The following ABCB9 variants were observed in gnomAD, a reference collection of about 807,000 sequenced individuals.
The protein encoded by ABCB9 is ABC-type oligopeptide transporter ABCB9.
A neutral mutation model predicts 62.0 loss-of-function variants in ABCB9; 36 were observed. That is an observed-to-expected ratio of 0.58 (90% CI 0.45 to 0.77). The LOEUF (loss-of-function observed/expected upper bound fraction) is 0.77, where lower values mean the gene tolerates loss of function less well. ABCB9 is among the 30% of genes least tolerant of loss of function. The pLI is 0.00. For synonymous variants in ABCB9, 435 were observed against 461.4 expected, an observed-to-expected ratio of 0.94 and a Z score of 0.73; for missense variants, 943 against 1,054.7, an observed-to-expected ratio of 0.89 and a Z score of 1.47.
intron 2 of ABCB9, among the ~76,000 whole-genome samples, chr12:122,954,014 G>T (rs554298848): frequency 5.9e-5 from 9 of 152,208 alleles, no homozygotes; most frequent in East Asian, 5.8e-4. Context: ...CCATATTAAA[G>T]AATCTTAGGC....
In ABCB9 at chr12:122,946,050, T is replaced by G. The variant is rs75474899; in HGVS notation, c.1226A>C (p.Tyr409Ser). ...YKLNRKEAAA[Y>S]MYYVWGSGLT... ...CCCGCTGCCCCAGACGTAGTACATG[T>G]AGGCAGCTGCCTCCTTCCTGTTCAG... Residue 409 changes from tyrosine to serine, a missense_variant, in exon 6 of 12, where the codon TAC becomes TCC. By Grantham distance (144) the Tyr-to-Ser change is moderately radical. Transcript: ENST00000280560. 7.0e-4 allele frequency: 1,124 copies of G among 1,613,858 alleles called. 16 individuals carry two copies. In the East Asian group the frequency reaches 0.019, roughly 27 times the overall value.
rs372288960 is a variant in ABCB9, at chr12:122,964,608, C to T, written c.-88+1679G>A. Among the ~76,000 whole-genome samples the T allele has an allele frequency of 1.3e-5, 2 of 152,244 alleles. No homozygotes were observed. The highest frequency in any genetic ancestry group is 4.8e-5 in the African/African-American group (2 of 41,464). On this transcript the variant is annotated intron_variant, in intron 1 of 11. Coordinates refer to ENST00000280560, the MANE Select transcript of ABCB9 (RefSeq NM_019625.4). This position sits in a 1 kb window ranked among gnomAD's most constrained non-coding sequence, Gnocchi z 4.7. ...TAAAGCTACTGGGCAGAAGCGTGACCACCAGCCAAGGCTGCTTAGAGGCCT... is the reference window on the plus strand; with the variant it reads ...TAAAGCTACTGGGCAGAAGCGTGACTACCAGCCAAGGCTGCTTAGAGGCCT...
At chr12:122,933,131 G>C (rs188521129) in intron 10 of ABCB9, among the ~76,000 whole-genome samples, 1 of 152,106 alleles carries the variant, frequency 6.6e-6, no homozygotes, top group African/African-American at 2.4e-5. Flanking sequence ...GGCCTCAAGC[G>C]ATCCTCTTGC....
intron 2 of ABCB9, among the ~76,000 whole-genome samples, chr12:122,956,904 C>T (rs1344957002): frequency 1.3e-5 from 2 of 151,850 alleles, no homozygotes; most frequent in Non-Finnish European, 2.9e-5. Context: ...GTGATCTGCC[C>T]ACCTCGGCCT....
downstream of ABCB9, chr12:122,924,909 G>T: frequency 7.8e-7 from 1 of 1,276,530 alleles, no homozygotes; most frequent in Non-Finnish European, 1.1e-6. Flanking sequence ...CACCAGGATG[G>T]TGACAATTTT....
intron 11 of ABCB9, among the ~76,000 whole-genome samples, chr12:122,923,197 G>A (rs1285159793): frequency 6.6e-6 from 1 of 152,126 alleles, no homozygotes; most frequent in Non-Finnish European, 1.5e-5. Context: ...CAACCTCCCA[G>A]GCTCAAGCAA....
At position 122,940,187 on chromosome 12, in the gene ABCB9, T is replaced by A. The variant is rs772326323; in HGVS notation, c.1667A>T (p.Tyr556Phe). The A allele has an allele frequency of 6.8e-6, 11 of 1,613,360 alleles. No individual in the cohort carries two copies. In the African/African-American group the frequency reaches 1.5e-4, roughly 22 times the overall value. The change falls in exon 9 of 12, where the codon TAC (tyrosine) becomes TTC (phenylalanine). Residue 556 changes from tyrosine to phenylalanine, a missense_variant. Transcript: ENST00000280560. The surrounding 1 kb of genome is among the most constrained non-coding windows in gnomAD (Gnocchi z 4.8). The part of the protein sequence containing the change: ...SSCVNILENF[Y>F]PLEGGRVLLD... Reference sequence around the variant, plus strand: ...CAGCACCCGGCCCCCCTCCAGGGGGTAGAAGTTCTCCAGGATGTTGACACA... The same window carrying A: ...CAGCACCCGGCCCCCCTCCAGGGGGAAGAAGTTCTCCAGGATGTTGACACA...
At chr12:122,970,205 G>A (rs939847618), upstream of ABCB9, among the ~76,000 whole-genome samples, 2 of 151,432 alleles carry the variant, frequency 1.3e-5, no homozygotes, top group East Asian at 3.9e-4. Flanking sequence ...TCAGCCTCCC[G>A]ATCAGCTGGG....
chr12:122,960,396 G>T, intron 1 of ABCB9, 74 bp from the exon 2 acceptor site: 1 of 979,052 alleles, frequency 1.0e-6, no homozygotes, highest in Non-Finnish European at 1.5e-6. Flanking sequence ...CCTTGAGAAA[G>T]TCACTTGACA....
At chr12:122,957,940 C>T (rs959559586) in intron 2 of ABCB9, among the ~76,000 whole-genome samples, 3 of 151,210 alleles carry the variant, frequency 2.0e-5, no homozygotes, top group Non-Finnish European at 3.0e-5. Context: ...GAGGCCAAGG[C>T]AGGCAGATCG....
upstream of ABCB9, among the ~76,000 whole-genome samples, chr12:122,969,188 C>G (rs1180480750): frequency 2.9e-5 from 4 of 135,816 alleles, no homozygotes; most frequent in African/African-American, 5.3e-5. Flanking sequence ...CCCCCCCCCC[C>G]CCGGCTGCCA....
At chr12:122,958,709 G>A (rs1285875390) in intron 2 of ABCB9, among the ~76,000 whole-genome samples, 1 of 152,016 alleles carries the variant, frequency 6.6e-6, no homozygotes, top group Non-Finnish European at 1.5e-5. Flanking sequence ...TGGGTGTGGT[G>A]CACGCCCCTG....
chr12:122,943,522 T>C (rs993071973), intron 7 of ABCB9, among the ~76,000 whole-genome samples: 6 of 152,146 alleles, frequency 3.9e-5, no homozygotes, highest in African/African-American at 1.4e-4. Context: ...TCAGGTTCAG[T>C]TTTCTTTTCA....
chr12:122,953,066 C>T (rs1213088393), intron 2 of ABCB9: 6 of 152,238 alleles, frequency 3.9e-5, no homozygotes, highest in Admixed American at 1.3e-4. Flanking sequence ...ATGATTGAGC[C>T]GCTAGCAGAG....
intron 2 of ABCB9, among the ~76,000 whole-genome samples, chr12:122,955,356 G>A (rs918661798): frequency 2.6e-5 from 4 of 152,212 alleles, no homozygotes; most frequent in Non-Finnish European, 5.9e-5. Flanking sequence ...AGCAGCTGAC[G>A]GCAGGGCCCC....
At chr12:122,963,434 A>C (rs547501637) in intron 1 of ABCB9, among the ~76,000 whole-genome samples, 1 of 152,136 alleles carries the variant, frequency 6.6e-6, no homozygotes. Context: ...AGGCACTTAC[A>C]TGCGTCAGCA....
chr12:122,941,310 CTT>C (rs34940073), intron 7 of ABCB9, among the ~76,000 whole-genome samples: 34 of 138,860 alleles, frequency 2.4e-4, no homozygotes, highest in Admixed American at 2.2e-4. Context: ...GATAGCATAG[CTT>C]TTTTTTTTTT....
intron 9 of ABCB9, among the ~76,000 whole-genome samples, chr12:122,937,373 A>G (rs918241363): frequency 2.0e-5 from 3 of 151,778 alleles, no homozygotes; most frequent in African/African-American, 7.3e-5. Context: ...AAAAAAAAAG[A>G]AAAGAAAAAG....
Position 122,929,682 on chromosome 12 carries a change from C to G in ABCB9, c.*229G>C. 7.8e-7 allele frequency: 1 copy of G among 1,285,654 alleles called. No individual in the cohort carries two copies. Among genetic ancestry groups the G allele is most frequent in the Non-Finnish European group, 9.9e-7 (1 of 1,014,560 alleles). 79.6% of individuals were successfully genotyped at this position (1,285,654 alleles called of 1,614,324 possible). ...GGCAGCTCTACCTTTGCTTAGGAGG[C>G]TAGGGAGGTCCGTGAAGGCGTTGGC... is the stretch of plus-strand genomic sequence containing the variant. On this transcript the variant is annotated 3_prime_UTR_variant, in exon 12 of 12. Transcript: ENST00000280560. This position sits in a 1 kb window ranked among gnomAD's most constrained non-coding sequence, Gnocchi z 6.0.
Sources: gnomAD v4.1 joint callset for allele counts (sites outside exome capture counted in the v4.1 genomes callset) on GRCh38, gnomAD v4.1.1 for gene constraint, Gnocchi (gnomAD v3.1) non-coding constraint, MANE v1.5 for transcripts, NCBI Gene and HGNC (gene_info 2026-07-23, HGNC 2026-07-21) for gene names.